Variants in FIGN observed in about 807,000 individuals in gnomAD.
FIGN encodes fidgetin, microtubule severing factor.
A neutral mutation model predicts 51.3 loss-of-function variants in FIGN; 11 were observed. The ratio of observed to expected loss-of-function variants is 0.21; its 90% confidence interval spans 0.13 to 0.35. The LOEUF (loss-of-function observed/expected upper bound fraction) is 0.35, where lower values mean the gene tolerates loss of function less well. Ranked by LOEUF, FIGN falls within the 10% of genes least tolerant of loss-of-function variation. The pLI is 1.00. For missense variants in FIGN, 857 were observed against 943.6 expected, an observed-to-expected ratio of 0.91 and a Z score of 1.20; for synonymous variants, 407 against 363.2, an observed-to-expected ratio of 1.12 and a Z score of -1.37.
chr2:163,703,480 GA>G (rs1684441737), intron 2 of FIGN, among the ~76,000 whole-genome samples: 1 of 152,054 alleles, frequency 6.6e-6, no homozygotes, highest in Non-Finnish European at 1.5e-5. Context: ...ATTTTAAAAC[GA>G]AAACCAGTTA....
intron 2 of FIGN, among the ~76,000 whole-genome samples, chr2:163,613,565 C>G (rs1682816750): frequency 6.6e-6 from 1 of 152,110 alleles, no homozygotes; most frequent in South Asian, 2.1e-4. Context: ...TTCTGACTCC[C>G]TCTTCCTTGT....
chr2:163,646,629 G>C (rs1392642806), intron 2 of FIGN, among the ~76,000 whole-genome samples: 1 of 152,098 alleles, frequency 6.6e-6, no homozygotes, highest in Non-Finnish European at 1.5e-5. Context: ...TGTTCTTTAA[G>C]AACTGGCATA....
rs1691180313 is a variant in FIGN, at chr2:163,609,419, T to C, written c.*133A>G. 1 of 747,742 alleles carries C rather than the reference T, an allele frequency of 1.3e-6. No homozygotes were observed. Among genetic ancestry groups the C allele is most frequent in the African/African-American group, 1.8e-5 (1 of 56,630 alleles). The allele number at this position is 747,742 out of a possible 1,614,324, so 46.3% of individuals were successfully genotyped here. A position where few individuals can be genotyped will look rare whatever the true frequency, so the allele number is the denominator to read the frequency against. On this transcript the variant is annotated 3_prime_UTR_variant, in exon 3 of 3. Transcript: ENST00000333129. ...TCCAAATCTACCCTGACTCTAAAGA[T>C]GCAACTTAATCGTCATCTTCCCCAG...
rs755660389 is a variant in FIGN, at chr2:163,611,403, A to T, written c.429T>A (p.Asp143Glu). The change falls in exon 3 of 3, where the codon GAT becomes GAA. Residue 143 changes from aspartate to glutamate, a missense_variant. Coordinates refer to ENST00000333129, the MANE Select transcript of FIGN (RefSeq NM_018086.4). Reference protein sequence around the residue: ...AGVSSALPPADVSASIGSSPG... With the variant: ...AGVSSALPPAEVSASIGSSPG... Reference sequence around the variant, plus strand: ...GAGAGCTTCCTATACTCGCAGAGACATCTGCTGGAGGGAGGGCTGAACTGA... The same window carrying T: ...GAGAGCTTCCTATACTCGCAGAGACTTCTGCTGGAGGGAGGGCTGAACTGA... The T allele has an allele frequency of 6.2e-7, 1 of 1,614,052 alleles. No individual in the cohort carries two copies.
intron 2 of FIGN, among the ~76,000 whole-genome samples, chr2:163,719,739 A>AT (rs1684724956): frequency 6.6e-6 from 1 of 152,176 alleles, no homozygotes; most frequent in African/African-American, 2.4e-5. Context: ...CAGAATATGC[A>AT]TTTTTTAAAG....
intron 2 of FIGN, among the ~76,000 whole-genome samples, chr2:163,682,506 A>G (rs962217562): frequency 1.3e-5 from 2 of 152,190 alleles, no homozygotes; most frequent in African/African-American, 4.8e-5. Context: ...TATGGAGAAA[A>G]GACACATCCA....
chr2:163,674,534 A>G (rs1683927745), intron 2 of FIGN, among the ~76,000 whole-genome samples: 1 of 152,234 alleles, frequency 6.6e-6, no homozygotes, highest in African/African-American at 2.4e-5. Context: ...ACACACTGAA[A>G]TTAAAATGGC....
intron 2 of FIGN, among the ~76,000 whole-genome samples, chr2:163,690,480 C>A (rs1461709101): frequency 6.6e-6 from 1 of 151,962 alleles, no homozygotes; most frequent in African/African-American, 2.4e-5. Flanking sequence ...GGGATAGAAC[C>A]ATTTGTAAAA....
At position 163,608,820 on chromosome 2, in the gene FIGN, T is replaced by C. The variant is rs537109381; in HGVS notation, c.*732A>G. ...TATTTTCCAATTGTTGAGGTAAACA[T>C]ACATTTTAATATAAAGTAACATTGA... On this transcript the variant is annotated 3_prime_UTR_variant, in exon 3 of 3. Coordinates refer to ENST00000333129, the MANE Select transcript of FIGN (RefSeq NM_018086.4). 6.6e-6 allele frequency: 1 copy of C among 152,642 alleles called. No homozygotes were observed. Among genetic ancestry groups the C allele is most frequent in the Non-Finnish European group, 1.5e-5 (1 of 68,034 alleles). The allele number at this position is 152,642 out of a possible 1,614,324, so 9.5% of individuals were successfully genotyped here.
At chr2:163,670,360 C>T (rs1683857376) in intron 2 of FIGN, among the ~76,000 whole-genome samples, 1 of 152,068 alleles carries the variant, frequency 6.6e-6, no homozygotes, top group East Asian at 1.9e-4. Flanking sequence ...GAAACAAGTA[C>T]CTTAACAGTG....
At chr2:163,627,956 G>T (rs1683081924) in intron 2 of FIGN, among the ~76,000 whole-genome samples, 1 of 152,220 alleles carries the variant, frequency 6.6e-6, no homozygotes, top group East Asian at 1.9e-4. Flanking sequence ...AGGTTACAGA[G>T]AAAATATATT....
intron 2 of FIGN, among the ~76,000 whole-genome samples, chr2:163,712,919 T>A (rs1164294941): frequency 6.6e-6 from 1 of 152,218 alleles, no homozygotes; most frequent in Admixed American, 6.5e-5. Context: ...TAGTGCTTTC[T>A]AAAGTAAACG....
In FIGN at chr2:163,622,179, C is replaced by T. The variant is rs184731755; in HGVS notation, c.26-10373G>A. ...TATAGCAACTAAAATTAAAGTTGCTCTTTACAAAAATTAGCTGGGTGTGGT... is the reference window on the plus strand; with the variant it reads ...TATAGCAACTAAAATTAAAGTTGCTTTTTACAAAAATTAGCTGGGTGTGGT... On this transcript the variant is annotated intron_variant, in intron 2 of 2. Transcript: ENST00000333129. 4.5e-4 allele frequency among the ~76,000 whole-genome samples: 69 copies of T among 152,138 alleles called. 1 individual carries two copies. The highest frequency in any genetic ancestry group is 5.3e-4 in the Non-Finnish European group (36 of 67,990).
In FIGN at chr2:163,610,689, C is replaced by A. The variant is rs762497517; in HGVS notation, c.1143G>T (p.Gln381His). 1 of 1,614,228 alleles carries A rather than the reference C, an allele frequency of 6.2e-7. No individual in the cohort carries two copies. The highest frequency in any genetic ancestry group is 1.7e-5 in the Admixed American group (1 of 60,030). Residue 381 changes from glutamine to histidine, a missense_variant, in exon 3 of 3, where the codon CAG becomes CAT. Coordinates refer to ENST00000333129, the MANE Select transcript of FIGN (RefSeq NM_018086.4). ...TCCTTTGCTGTTCAGAGGACATTAG[C>A]TGCTTCGTTGGCTTAAATGCTAAGG... The part of the protein sequence containing the change: ...TSSLAFKPTK[Q>H]LMSSEQQRKF...
At chr2:163,634,242 T>C (rs1332111736) in intron 2 of FIGN, among the ~76,000 whole-genome samples, 1 of 152,124 alleles carries the variant, frequency 6.6e-6, no homozygotes, top group African/African-American at 2.4e-5. Flanking sequence ...TTATCTATTA[T>C]TATATAGCTA....
Position 163,605,598 on chromosome 2 carries a change from CACACACAT to C in FIGN, c.*3946_*3953del, listed in dbSNP as rs1465149197. The C allele has an allele frequency of 6.6e-6, 1 of 151,958 alleles. No homozygotes were observed. Among genetic ancestry groups the C allele is most frequent in the Admixed American group, 6.6e-5 (1 of 15,238 alleles). 9.4% of individuals were successfully genotyped at this position (151,958 alleles called of 1,614,324 possible). A position where few individuals can be genotyped will look rare whatever the true frequency, so the allele number is the denominator to read the frequency against. ...TCAACTAGGTGGTGATGAAAGAACA[CACACACAT>C]ACACACATACAAACACACACACTAA... is the stretch of plus-strand genomic sequence containing the variant. On this transcript the variant is annotated 3_prime_UTR_variant, in exon 3 of 3. Transcript: ENST00000333129.
Position 163,611,653 on chromosome 2 carries a change from GAT to G in FIGN, c.177_178del (p.Ser60CysfsTer45). ...TAGTAGGTTGGATGCAGTCAGAGCAGATATGTCATCATTCGCCCAGGCGTACT... is the reference window on the plus strand; with the variant it reads ...TAGTAGGTTGGATGCAGTCAGAGCAGATGTCATCATTCGCCCAGGCGTACT... On this transcript the variant is annotated frameshift_variant, in exon 3 of 3. Coordinates refer to ENST00000333129, the MANE Select transcript of FIGN (RefSeq NM_018086.4). LOFTEE classifies it high-confidence loss of function. 6.2e-7 allele frequency: 1 copy of G among 1,614,182 alleles called. No homozygotes were observed. The highest frequency in any genetic ancestry group is 8.5e-7 in the Non-Finnish European group (1 of 1,180,022).
intron 2 of FIGN, among the ~76,000 whole-genome samples, chr2:163,688,934 C>T (rs1228223875): frequency 6.6e-6 from 1 of 151,996 alleles, no homozygotes; most frequent in East Asian, 1.9e-4. Flanking sequence ...CTTTGCAAAG[C>T]CAAAGCCAGC....
At chr2:163,679,446 A>C (rs1464291919) in intron 2 of FIGN, among the ~76,000 whole-genome samples, 2 of 151,952 alleles carry the variant, frequency 1.3e-5, no homozygotes, top group African/African-American at 4.8e-5. Context: ...CAGTGAGCAG[A>C]GATCACGCCA....
Sources: allele counts gnomAD v4.1 joint callset (sites outside exome capture counted in the v4.1 genomes callset), GRCh38; gene constraint gnomAD v4.1.1; transcripts MANE v1.5; gene names NCBI Gene and HGNC (gene_info 2026-07-23, HGNC 2026-07-21).